DAW1: variants seen among roughly 807,000 people sequenced by gnomAD.
The protein encoded by DAW1 is dynein assembly factor with WD repeats 1.
A neutral mutation model predicts 56.5 loss-of-function variants in DAW1; 47 were observed. That is an observed-to-expected ratio of 0.83 (90% CI 0.66 to 1.06). The LOEUF (loss-of-function observed/expected upper bound fraction) is 1.06, where lower values mean the gene tolerates loss of function less well. Among genes scored for constraint, DAW1 ranks in the 50% least tolerant of loss-of-function variants. The pLI is 0.00. For synonymous variants in DAW1, 190 were observed against 179.0 expected, an observed-to-expected ratio of 1.06 and a Z score of -0.49; for missense variants, 505 against 499.3, an observed-to-expected ratio of 1.01 and a Z score of -0.11.
intron 2 of DAW1, 135 bp downstream of exon 2, chr2:227,885,558 CTGTT>C: frequency 1.8e-6 from 1 of 544,750 alleles, no homozygotes. Flanking sequence ...GTGTTAGTTT[CTGTT>C]TGTTTCAGGG....
chr2:227,880,011 A>C (rs1173106946), intron 1 of DAW1, among the ~76,000 whole-genome samples: 1 of 152,226 alleles, frequency 6.6e-6, no homozygotes, highest in African/African-American at 2.4e-5. Flanking sequence ...TTATAATTAC[A>C]TTAACTTCGT....
intron 10 of DAW1, among the ~76,000 whole-genome samples, chr2:227,907,473 C>A (rs561489610): frequency 6.6e-6 from 1 of 152,124 alleles, no homozygotes; most frequent in African/African-American, 2.4e-5. Context: ...TCCTACATAA[C>A]GAGGTATATG....
chr2:227,889,900 C>G lies in DAW1; in HGVS notation c.158C>G (p.Pro53Arg). Residue 53 changes from proline (P) to arginine (R), a missense_variant, in exon 3 of 13, where the codon CCT (proline) becomes CGT (arginine). Transcript: ENST00000309931. The stretch of plus-strand genomic sequence containing the variant: ...GTAGAAGAAATCCAGAAGGCAGAAC[C>G]TCTACTCACAGCTTCACGAACAGAG... Reference protein sequence around the residue: ...ALVEEIQKAEPLLTASRTEQV... With the variant: ...ALVEEIQKAERLLTASRTEQV... 6.2e-7 allele frequency: 1 copy of G among 1,609,610 alleles called. No homozygotes were observed. The highest frequency in any genetic ancestry group is 8.5e-7 in the Non-Finnish European group (1 of 1,178,496).
chr2:227,920,779 C>T (rs769419242), intron 11 of DAW1, among the ~76,000 whole-genome samples: 8 of 152,070 alleles, frequency 5.3e-5, no homozygotes, highest in Admixed American at 1.3e-4. Flanking sequence ...CAGGTTTAAG[C>T]GATTCTCCTG....
intron 1 of DAW1, among the ~76,000 whole-genome samples, chr2:227,881,118 C>T (rs1690999773): frequency 6.6e-6 from 1 of 152,148 alleles, no homozygotes. Context: ...GGAAGGAGGA[C>T]ATATTGTTTA....
chr2:227,918,902 T>A, intron 11 of DAW1, 46 bp downstream of exon 11: 1 of 1,594,938 alleles, frequency 6.3e-7, no homozygotes, highest in East Asian at 2.2e-5. Flanking sequence ...TTTCAAAAAA[T>A]AAAGAGCAGG....
intron 10 of DAW1, among the ~76,000 whole-genome samples, chr2:227,918,171 T>TCATCCATC (rs60074089): frequency 0.078 from 9,733 of 124,044 alleles, 436 homozygotes; most frequent in Admixed American, 0.12. Flanking sequence ...CATCCATCCA[T>TCATCCATC]CATCCATCCA....
At chr2:227,916,785 G>T (rs1176542837) in intron 10 of DAW1, among the ~76,000 whole-genome samples, 1 of 152,076 alleles carries the variant, frequency 6.6e-6, no homozygotes, top group African/African-American at 2.4e-5. Context: ...CACACATCAG[G>T]CTATACTATG....
intron 7 of DAW1, among the ~76,000 whole-genome samples, chr2:227,903,988 G>GTT (rs112113759): frequency 2.4e-4 from 36 of 147,804 alleles, no homozygotes; most frequent in Middle Eastern, 6.9e-3. Context: ...TTCTTTTTTC[G>GTT]TTTTTTTTTT....
rs76897409 is a variant in DAW1 at position 227,923,745 on chromosome 2, G to GA, written c.1214-176dup. 7.6e-3 allele frequency among the ~76,000 whole-genome samples: 1,088 copies of GA among 144,096 alleles called. 9 individuals are homozygous for GA. The highest frequency in any genetic ancestry group is 0.021 in the African/African-American group (823 of 39,330). The allele number at this position is 144,096 out of a possible 152,430, so 94.5% of individuals were successfully genotyped here. ...TTAATTTACAACTAGCTGGTATCGT[G>GA]AAAAAAAAAAAAATCACTACTTTAA... On this transcript the variant is annotated intron_variant, in intron 12 of 12. Transcript: ENST00000309931.
At chr2:227,911,743 G>A (rs1326175199) in intron 10 of DAW1, among the ~76,000 whole-genome samples, 1 of 152,034 alleles carries the variant, frequency 6.6e-6, no homozygotes, top group Admixed American at 6.6e-5. Flanking sequence ...CTGTGTCATT[G>A]CCTTGATAAC....
At chr2:227,905,609 C>A (rs940165719) in intron 8 of DAW1, among the ~76,000 whole-genome samples, 8 of 152,200 alleles carry the variant, frequency 5.3e-5, no homozygotes, top group Non-Finnish European at 1.2e-4. Flanking sequence ...AGTTTCTGAA[C>A]AACCAGGGGT....
chr2:227,892,735 T>G (rs1009097011), intron 4 of DAW1, among the ~76,000 whole-genome samples: 1 of 152,222 alleles, frequency 6.6e-6, no homozygotes, highest in African/African-American at 2.4e-5. Flanking sequence ...TCACCTTTTC[T>G]TGTTACCACT....
intron 11 of DAW1, among the ~76,000 whole-genome samples, chr2:227,919,174 T>G (rs916511201): frequency 4.4e-5 from 6 of 136,112 alleles, no homozygotes; most frequent in African/African-American, 1.4e-4. Flanking sequence ...CCAGCCTGGG[T>G]GACAGAGCAA....
At chr2:227,885,496 C>A in intron 2 of DAW1, 73 bp downstream of exon 2, 2 of 1,054,484 alleles carry the variant, frequency 1.9e-6, no homozygotes, top group Non-Finnish European at 1.4e-6. Flanking sequence ...TGTGGATGAG[C>A]TGCATAAACT....
chr2:227,878,846 G>A (rs1690946321), intron 1 of DAW1, among the ~76,000 whole-genome samples: 1 of 143,532 alleles, frequency 7.0e-6, no homozygotes, highest in Non-Finnish European at 1.5e-5. Flanking sequence ...GGAGTGCAAT[G>A]GCACAATCTC....
Position 227,902,696 on chromosome 2 carries a change from T to C in DAW1, c.541-306T>C, listed in dbSNP as rs569096460. On this transcript the variant is annotated intron_variant, in intron 6 of 12. Transcript: ENST00000309931. ...ACAGCAGCAAGGAGAAGGAGAGCCA[T>C]ATAGCACGGATCTTAAAGGAGGTGG... Among the ~76,000 whole-genome samples, 4 of 152,188 alleles carry C rather than the reference T, an allele frequency of 2.6e-5. No individual in the cohort carries two copies. The South Asian group carries it at 6.2e-4, about 24-fold the overall frequency.
chr2:227,920,382 C>T (rs1178569723), intron 11 of DAW1, among the ~76,000 whole-genome samples: 2 of 152,116 alleles, frequency 1.3e-5, no homozygotes, highest in African/African-American at 2.4e-5. Context: ...CCTCCTCAAA[C>T]CTTCAGTCAT....
chr2:227,895,113 G>A (rs543974106), intron 5 of DAW1, among the ~76,000 whole-genome samples: 1 of 152,168 alleles, frequency 6.6e-6, no homozygotes, highest in Non-Finnish European at 1.5e-5. Context: ...GAAAAATTCT[G>A]TACTCAGATT....
Sources: gnomAD v4.1 joint callset for allele counts (sites outside exome capture counted in the v4.1 genomes callset) on GRCh38, gnomAD v4.1.1 for gene constraint, MANE v1.5 for transcripts, NCBI Gene and HGNC (gene_info 2026-07-23, HGNC 2026-07-21) for gene names.